Variants in IFT43 observed in about 807,000 individuals in gnomAD.
IFT43 encodes intraflagellar transport 43.
A neutral mutation model predicts 32.3 loss-of-function variants in IFT43; 33 were observed. The observed-to-expected ratio is 1.02, with a 90% CI of 0.77 to 1.37. IFT43 has a LOEUF of 1.37. Ranked by LOEUF, IFT43 falls within the 40% of genes most tolerant of loss-of-function variation. The pLI, the probability that IFT43 is intolerant of heterozygous loss-of-function variation, is 0.00. For missense variants in IFT43, 274 were observed against 265.9 expected, an observed-to-expected ratio of 1.03 and a Z score of -0.21; for synonymous variants, 93 against 98.2, an observed-to-expected ratio of 0.95 and a Z score of 0.31.
chr14:75,993,110 T>C (rs1404384199), intron 2 of IFT43, among the ~76,000 whole-genome samples: 1 of 152,214 alleles, frequency 6.6e-6, no homozygotes, highest in East Asian at 1.9e-4. Context: ...ATGCTCAGTA[T>C]GTTGCCAACC....
chr14:76,064,759 T>C (rs1263133213), intron 5 of IFT43, among the ~76,000 whole-genome samples: 1 of 152,180 alleles, frequency 6.6e-6, no homozygotes, highest in Non-Finnish European at 1.5e-5. Flanking sequence ...GGAAAAAGGA[T>C]TTTAGAGTTC....
chr14:76,004,373 C>T (rs1219559846), intron 2 of IFT43, among the ~76,000 whole-genome samples: 1 of 151,926 alleles, frequency 6.6e-6, no homozygotes, highest in East Asian at 1.9e-4. Flanking sequence ...AATTGCCATA[C>T]CTTTTGTCCT....
intron 2 of IFT43, among the ~76,000 whole-genome samples, chr14:76,001,395 C>G (rs1019094316): frequency 1.3e-5 from 2 of 152,186 alleles, no homozygotes; most frequent in African/African-American, 4.8e-5. Flanking sequence ...AGAAATGACT[C>G]CTGATTGGAA....
chr14:76,004,014 G>T lies in IFT43; in HGVS notation c.147+15037G>T, dbSNP rs192268557. Among the ~76,000 whole-genome samples the T allele has an allele frequency of 1.9e-4, 29 of 152,222 alleles. 1 individual carries two copies. In the East Asian group the frequency reaches 5.6e-3, roughly 29 times the overall value. ...TGGTCTCAAACTCCTGACCTCAAGT[G>T]ATCCACCTGCCTCGGCCTCCCAAAG... is the stretch of plus-strand genomic sequence containing the variant. On this transcript the variant is annotated intron_variant, in intron 2 of 8. Coordinates refer to ENST00000314067, the MANE Select transcript of IFT43 (RefSeq NM_001102564.3).
chr14:76,060,201 AATTATTATTGTT>A (rs1780353582), intron 5 of IFT43, among the ~76,000 whole-genome samples: 1 of 151,944 alleles, frequency 6.6e-6, no homozygotes, highest in South Asian at 2.1e-4. Flanking sequence ...AGGGGATCCA[AATTATTATTGTT>A]ATTATTATTA....
rs116464294 is a variant in IFT43 at position 76,056,269 on chromosome 14, C to G, written c.216-2373C>G. On this transcript the variant is annotated intron_variant, in intron 3 of 8. Coordinates refer to ENST00000314067, the MANE Select transcript of IFT43 (RefSeq NM_001102564.3). ...GAGAGAATGAGAGAGAACACGCCACCTGAGGGCATCCCTGCTGCCCGTCCT... is the reference window on the plus strand; with the variant it reads ...GAGAGAATGAGAGAGAACACGCCACGTGAGGGCATCCCTGCTGCCCGTCCT... Among the ~76,000 whole-genome samples the G allele has an allele frequency of 9.4e-3, 1,432 of 152,296 alleles. 20 individuals are homozygous for G. The highest frequency in any genetic ancestry group is 0.032 in the African/African-American group (1,333 of 41,572).
At chr14:76,033,692 C>A (rs1260419147) in intron 3 of IFT43, among the ~76,000 whole-genome samples, 1 of 152,180 alleles carries the variant, frequency 6.6e-6, no homozygotes, top group Admixed American at 6.5e-5. Flanking sequence ...AGGTTGGAAA[C>A]ATGAGCTCCT....
At chr14:76,080,601 G>A (rs747922304) in intron 5 of IFT43, among the ~76,000 whole-genome samples, 3 of 152,102 alleles carry the variant, frequency 2.0e-5, no homozygotes, top group Non-Finnish European at 2.9e-5. Context: ...TTCTGCACCC[G>A]AGGAGAGCCA....
At chr14:76,015,452 A>G (rs956087220) in intron 2 of IFT43, among the ~76,000 whole-genome samples, 1 of 152,076 alleles carries the variant, frequency 6.6e-6, no homozygotes, top group South Asian at 2.1e-4. Flanking sequence ...TTTCTTTGCA[A>G]TTTTTTACTT....
chr14:76,029,409 T>C (rs1020260214), intron 3 of IFT43, among the ~76,000 whole-genome samples: 8 of 152,182 alleles, frequency 5.3e-5, no homozygotes, highest in African/African-American at 1.9e-4. Flanking sequence ...CATTCTTAGG[T>C]TATTTGTTTA....
chr14:76,041,943 A>G (rs1421366218), intron 3 of IFT43, among the ~76,000 whole-genome samples: 1 of 151,890 alleles, frequency 6.6e-6, no homozygotes, highest in African/African-American at 2.4e-5. Context: ...CTTTCTTTCT[A>G]TTTTTGCCAT....
chr14:76,051,729 G>A (rs1230697669), intron 3 of IFT43, among the ~76,000 whole-genome samples: 1 of 152,132 alleles, frequency 6.6e-6, no homozygotes, highest in African/African-American at 2.4e-5. Context: ...TTCCTCCAGA[G>A]GAAGAAATTT....
At position 76,062,936 on chromosome 14, in the gene IFT43, A is replaced by AAAAAAG. The variant is rs1311032749; in HGVS notation, c.295+3568_295+3573dup. Among the ~76,000 whole-genome samples the AAAAAAG allele has an allele frequency of 8.5e-4, 127 of 148,866 alleles. 3 individuals carry two copies. The highest frequency in any genetic ancestry group is 3.0e-3 in the African/African-American group (119 of 39,898). ...CCATCTCAAAAAAAAAAAAAAAAAA[A>AAAAAAG]AAAAAGAAAATACATTAAGTCAAAC... On this transcript the variant is annotated intron_variant, in intron 5 of 8. Coordinates refer to ENST00000314067, the MANE Select transcript of IFT43 (RefSeq NM_001102564.3).
intron 4 of IFT43, 39 bp downstream of exon 4, chr14:76,058,713 T>G: frequency 6.2e-7 from 1 of 1,611,064 alleles, no homozygotes; most frequent in Non-Finnish European, 8.5e-7. Flanking sequence ...GTATCCTATG[T>G]TGATCTTGGT....
chr14:76,049,559 C>T (rs1334282878), intron 3 of IFT43, among the ~76,000 whole-genome samples: 1 of 151,596 alleles, frequency 6.6e-6, no homozygotes. Flanking sequence ...ACCAAGGAAT[C>T]AATTTAAAGA....
intron 3 of IFT43, among the ~76,000 whole-genome samples, chr14:76,032,733 G>A (rs1015760648): frequency 4.6e-5 from 7 of 152,316 alleles, no homozygotes; most frequent in African/African-American, 1.7e-4. Context: ...CTTTCGGTGT[G>A]GAAGGTGGAG....
chr14:76,012,843 T>G (rs1300419180), intron 2 of IFT43, among the ~76,000 whole-genome samples: 1 of 152,242 alleles, frequency 6.6e-6, no homozygotes, highest in East Asian at 1.9e-4. Flanking sequence ...TGTCCAGCTG[T>G]TGTCTTGGGG....
chr14:76,010,074 G>A (rs1594813883), intron 2 of IFT43, among the ~76,000 whole-genome samples: 2 of 152,178 alleles, frequency 1.3e-5, no homozygotes, highest in East Asian at 1.9e-4. Flanking sequence ...GATTGCAGGC[G>A]TGAGCCACCC....
chr14:76,026,404 C>A (rs191175983), intron 3 of IFT43, among the ~76,000 whole-genome samples: 4 of 151,786 alleles, frequency 2.6e-5, no homozygotes, highest in Admixed American at 6.6e-5. Flanking sequence ...ACTAAAAATA[C>A]GAAATTAGTG....
Sources: gnomAD v4.1 joint callset for allele counts (sites outside exome capture counted in the v4.1 genomes callset) on GRCh38, gnomAD v4.1.1 for gene constraint, MANE v1.5 for transcripts, NCBI Gene and HGNC (gene_info 2026-07-23, HGNC 2026-07-21) for gene names.